Variants in GNA14 observed in about 807,000 individuals in gnomAD.
GNA14 encodes G protein subunit alpha 14, also known as guanine nucleotide-binding protein subunit alpha-14.
In GNA14, 50 loss-of-function variants were observed where a neutral mutation model predicts 42.0. That is an observed-to-expected ratio of 1.19 (90% CI 0.95 to 1.51). The LOEUF is 1.51. Among genes scored for constraint, GNA14 ranks in the 40% most tolerant of loss-of-function variants. GNA14 has a pLI of 0.00. For missense variants in GNA14, 473 were observed against 446.2 expected, an observed-to-expected ratio of 1.06 and a Z score of -0.54; for synonymous variants, 173 against 163.1, an observed-to-expected ratio of 1.06 and a Z score of -0.46.
In GNA14 at chr9:77,648,186, G is replaced by A. The variant is rs1457001605; in HGVS notation, c.-393C>T. On this transcript the variant is annotated 5_prime_UTR_variant, in exon 1 of 7. Coordinates refer to ENST00000341700, the MANE Select transcript of GNA14 (RefSeq NM_004297.4). Reference sequence around the variant, plus strand: ...AGTTGGAACGTCGGTGCTCGGGGGAGAGTAGGATCTCCTGGGCCTAGGGGT... The same window carrying A: ...AGTTGGAACGTCGGTGCTCGGGGGAAAGTAGGATCTCCTGGGCCTAGGGGT... The A allele has an allele frequency of 6.8e-6, 2 of 294,046 alleles. No individual in the cohort carries two copies. The highest frequency in any genetic ancestry group is 1.3e-5 in the Non-Finnish European group (2 of 156,024). The allele number at this position is 294,046 out of a possible 1,614,324, so 18.2% of individuals were successfully genotyped here. A position where few individuals can be genotyped will look rare whatever the true frequency, so the allele number is the denominator to read the frequency against.
intron 2 of GNA14, among the ~76,000 whole-genome samples, chr9:77,468,563 C>G (rs1836276061): frequency 6.6e-6 from 1 of 152,202 alleles, no homozygotes; most frequent in East Asian, 1.9e-4. Context: ...TCAAGACTTT[C>G]TCTCTTTCCA....
chr9:77,543,041 G>A (rs1837678717), intron 1 of GNA14, among the ~76,000 whole-genome samples: 1 of 152,212 alleles, frequency 6.6e-6, no homozygotes, highest in African/African-American at 2.4e-5. Flanking sequence ...TTAGGGAACT[G>A]TGAAACTCAC....
At chr9:77,519,426 A>T (rs561360891) in intron 2 of GNA14, among the ~76,000 whole-genome samples, 1 of 152,152 alleles carries the variant, frequency 6.6e-6, no homozygotes. Flanking sequence ...AAGAAAAAAA[A>T]ATTAAAACAA....
At chr9:77,573,696 A>G (rs1823092099) in intron 1 of GNA14, among the ~76,000 whole-genome samples, 1 of 152,130 alleles carries the variant, frequency 6.6e-6, no homozygotes, top group African/African-American at 2.4e-5. Context: ...GACAAGGGTC[A>G]AGAATCATCA....
intron 2 of GNA14, among the ~76,000 whole-genome samples, chr9:77,446,087 G>A (rs1020406825): frequency 6.6e-6 from 1 of 152,196 alleles, no homozygotes; most frequent in Non-Finnish European, 1.5e-5. Flanking sequence ...GAAAGGCAGA[G>A]GGCAGAAAAC....
At chr9:77,510,895 T>G (rs565762499) in intron 2 of GNA14, among the ~76,000 whole-genome samples, 2 of 152,002 alleles carry the variant, frequency 1.3e-5, no homozygotes, top group Non-Finnish European at 2.9e-5. Context: ...TAAGATGATT[T>G]GATAAGTGAT....
chr9:77,508,923 T>C (rs1265531221), intron 2 of GNA14, among the ~76,000 whole-genome samples: 1 of 152,162 alleles, frequency 6.6e-6, no homozygotes, highest in African/African-American at 2.4e-5. Context: ...AATAAGAACT[T>C]AGTGAGGGTA....
chr9:77,457,033 G>T (rs1248624493), intron 2 of GNA14, among the ~76,000 whole-genome samples: 1 of 152,232 alleles, frequency 6.6e-6, no homozygotes, highest in Non-Finnish European at 1.5e-5. Context: ...CGTAGTGGCA[G>T]CTTCCACAAT....
chr9:77,601,673 C>T (rs919667190), intron 1 of GNA14, among the ~76,000 whole-genome samples: 2 of 152,206 alleles, frequency 1.3e-5, no homozygotes, highest in Non-Finnish European at 2.9e-5. Flanking sequence ...ATTAAACCCT[C>T]GTAGCTCACC....
intron 2 of GNA14, among the ~76,000 whole-genome samples, chr9:77,511,274 A>G (rs1837164209): frequency 6.6e-6 from 1 of 152,040 alleles, no homozygotes; most frequent in Non-Finnish European, 1.5e-5. Context: ...TAAAGGTACA[A>G]TTTCAATTCC....
At chr9:77,624,137 G>A (rs747647321) in intron 1 of GNA14, among the ~76,000 whole-genome samples, 22 of 152,174 alleles carry the variant, frequency 1.4e-4, no homozygotes, top group Non-Finnish European at 2.9e-4. Flanking sequence ...CCCTCACAGT[G>A]TAAACAAAGC....
intron 2 of GNA14, among the ~76,000 whole-genome samples, chr9:77,488,797 A>AAC (rs1281569125): frequency 2.7e-5 from 4 of 150,172 alleles, no homozygotes; most frequent in African/African-American, 9.8e-5. Context: ...AAAAAAAAAA[A>AAC]AAAAAAAAAA....
intron 1 of GNA14, among the ~76,000 whole-genome samples, chr9:77,579,643 A>T (rs890252715): frequency 5.3e-5 from 8 of 152,160 alleles, no homozygotes; most frequent in South Asian, 2.1e-4. Context: ...CATGCCAAAT[A>T]GACTCTACAT....
intron 1 of GNA14, among the ~76,000 whole-genome samples, chr9:77,539,886 T>C (rs541442864): frequency 1.5e-3 from 222 of 152,212 alleles, no homozygotes; most frequent in Non-Finnish European, 2.5e-3. Flanking sequence ...TTCTCTCTTC[T>C]TGGTTAGTCT....
intron 3 of GNA14, chr9:77,431,660 C>T (rs557072322): frequency 1.9e-5 from 9 of 466,460 alleles, no homozygotes; most frequent in South Asian, 4.9e-5. Flanking sequence ...GACTTCCATG[C>T]GCCTTCTGGG....
chr9:77,517,289 CTCATTCAT>C (rs149456688), intron 2 of GNA14, among the ~76,000 whole-genome samples: 74 of 151,800 alleles, frequency 4.9e-4, no homozygotes, highest in Middle Eastern at 3.4e-3. Context: ...GGAGGGGCCG[CTCATTCAT>C]TCATTCATTC....
chr9:77,512,181 C>T (rs1010723454), intron 2 of GNA14, among the ~76,000 whole-genome samples: 1 of 151,770 alleles, frequency 6.6e-6, no homozygotes, highest in Non-Finnish European at 1.5e-5. Flanking sequence ...ATTTCCAGAA[C>T]ACAAACATAC....
intron 2 of GNA14, among the ~76,000 whole-genome samples, chr9:77,443,699 G>A (rs1224265776): frequency 1.3e-5 from 2 of 151,814 alleles, no homozygotes; most frequent in Non-Finnish European, 2.9e-5. Context: ...AACTTCAGTC[G>A]GGGCTGGGCA....
At chr9:77,452,581 T>TG (rs1291793896) in intron 2 of GNA14, among the ~76,000 whole-genome samples, 7 of 2,410 alleles carry the variant, frequency 2.9e-3, no homozygotes, top group South Asian at 0.014. Context: ...TATGTGCATG[T>TG]GTATGTGTGT....
Sources: allele counts gnomAD v4.1 joint callset (sites outside exome capture counted in the v4.1 genomes callset), GRCh38; gene constraint gnomAD v4.1.1; transcripts MANE v1.5; gene names NCBI Gene and HGNC (gene_info 2026-07-23, HGNC 2026-07-21).